Variants in ITPK1 observed in about 807,000 individuals in gnomAD.
ITPK1 encodes inositol-tetrakisphosphate 1-kinase.
ITPK1 carries 21 observed loss-of-function variants against 45.3 expected under a neutral mutation model. That is an observed-to-expected ratio of 0.46 (90% CI 0.33 to 0.67). ITPK1 has a LOEUF of 0.67. ITPK1 is among the 30% of genes least tolerant of loss of function. ITPK1 has a pLI of 0.02. For synonymous variants in ITPK1, 258 were observed against 253.6 expected, an observed-to-expected ratio of 1.02 and a Z score of -0.16; for missense variants, 474 against 573.5, an observed-to-expected ratio of 0.83 and a Z score of 1.77.
chr14:93,000,197 C>T (rs752849850), intron 4 of ITPK1, among the ~76,000 whole-genome samples: 7 of 152,160 alleles, frequency 4.6e-5, no homozygotes, highest in African/African-American at 2.4e-5. Flanking sequence ...GGAGCAATGC[C>T]GCTGTGAACA....
chr14:93,002,972 A>G (rs1595127276), intron 4 of ITPK1, among the ~76,000 whole-genome samples: 1 of 152,290 alleles, frequency 6.6e-6, no homozygotes, highest in Admixed American at 6.5e-5. Context: ...AAATGAAGAC[A>G]CACACCCCTT....
At position 93,076,522 on chromosome 14, in the gene ITPK1, G is replaced by C. The variant is rs536462049; in HGVS notation, c.120+73C>G. ...AAGCCGTGCCCAATGCTGGAGGAGAGAAGGAGAGACAGAGAGGTGGGCACC... is the reference window on the plus strand; with the variant it reads ...AAGCCGTGCCCAATGCTGGAGGAGACAAGGAGAGACAGAGAGGTGGGCACC... On this transcript the variant is annotated intron_variant, in intron 3 of 10. Coordinates refer to ENST00000267615, the MANE Select transcript of ITPK1 (RefSeq NM_014216.6). This position sits in a 1 kb window ranked among gnomAD's most constrained non-coding sequence, Gnocchi z 4.3. The C allele has an allele frequency of 6.6e-7, 1 of 1,523,254 alleles. No homozygotes were observed. The highest frequency in any genetic ancestry group is 1.1e-5 in the South Asian group (1 of 89,142). The allele number at this position is 1,523,254 out of a possible 1,614,324, so 94.4% of individuals were successfully genotyped here.
At chr14:93,053,187 G>A (rs1173772312) in intron 3 of ITPK1, among the ~76,000 whole-genome samples, 1 of 151,950 alleles carries the variant, frequency 6.6e-6, no homozygotes, top group Non-Finnish European at 1.5e-5. Flanking sequence ...CTCAGACAGA[G>A]GGGCTCACAA....
At position 92,939,829 on chromosome 14, in the gene ITPK1, A is replaced by C. The variant is rs1887269967; in HGVS notation, c.*1732T>G. 1 of 985,728 alleles carries C rather than the reference A, an allele frequency of 1.0e-6. No homozygotes were observed. Among genetic ancestry groups the C allele is most frequent in the Admixed American group, 6.1e-5 (1 of 16,270 alleles). 61.1% of individuals were successfully genotyped at this position (985,728 alleles called of 1,614,324 possible). ...TTAAGGACTGGGAGTATGACATAAC[A>C]AACTTGAGCAACATGTGTAAACACG... On this transcript the variant is annotated 3_prime_UTR_variant, in exon 11 of 11. Coordinates refer to ENST00000267615, the MANE Select transcript of ITPK1 (RefSeq NM_014216.6).
At chr14:93,052,963 C>T (rs1384843842) in intron 3 of ITPK1, among the ~76,000 whole-genome samples, 1 of 142,028 alleles carries the variant, frequency 7.0e-6, no homozygotes, top group Non-Finnish European at 1.5e-5. Context: ...CACACCAGGA[C>T]CTATTGTGGG....
intron 4 of ITPK1, among the ~76,000 whole-genome samples, chr14:92,994,344 A>T (rs1351976515): frequency 1.3e-5 from 2 of 152,136 alleles, no homozygotes; most frequent in East Asian, 3.9e-4. Flanking sequence ...CCGCACTGAT[A>T]AGGACTCTGA....
In ITPK1 at chr14:93,076,520, GAGA is replaced by G; in HGVS notation, c.120+72_120+74del. The G allele has an allele frequency of 1.3e-6, 2 of 1,510,352 alleles. No homozygotes were observed. The highest frequency in any genetic ancestry group is 1.8e-6 in the Non-Finnish European group (2 of 1,087,358). The allele number at this position is 1,510,352 out of a possible 1,614,324, so 93.6% of individuals were successfully genotyped here. Reference sequence around the variant, plus strand: ...GAAAGCCGTGCCCAATGCTGGAGGAGAGAAGGAGAGACAGAGAGGTGGGCACCA... The same window carrying G: ...GAAAGCCGTGCCCAATGCTGGAGGAGAGGAGAGACAGAGAGGTGGGCACCA... On this transcript the variant is annotated intron_variant, in intron 3 of 10. Coordinates refer to ENST00000267615, the MANE Select transcript of ITPK1 (RefSeq NM_014216.6). This position sits in a 1 kb window ranked among gnomAD's most constrained non-coding sequence, Gnocchi z 4.3.
chr14:92,997,740 G>A (rs533793185), intron 4 of ITPK1, among the ~76,000 whole-genome samples: 1 of 152,348 alleles, frequency 6.6e-6, no homozygotes, highest in African/African-American at 2.4e-5. Context: ...GACACCAAGA[G>A]TGGGATCCTG....
chr14:92,942,697 C>G (rs548548765), intron 10 of ITPK1, among the ~76,000 whole-genome samples: 218 of 151,604 alleles, frequency 1.4e-3, no homozygotes, highest in African/African-American at 5.1e-3. Context: ...TGGTACCTGC[C>G]TGGGGCAAGT....
chr14:93,109,127 A>G (rs1463777872), intron 2 of ITPK1, among the ~76,000 whole-genome samples: 6 of 152,212 alleles, frequency 3.9e-5, no homozygotes, highest in Non-Finnish European at 8.8e-5. Flanking sequence ...TGCTGCCCAT[A>G]CCAGCAGAAA....
chr14:92,999,671 C>G (rs1320158451), intron 4 of ITPK1, among the ~76,000 whole-genome samples: 1 of 152,238 alleles, frequency 6.6e-6, no homozygotes, highest in Non-Finnish European at 1.5e-5. Flanking sequence ...CCGCCAGGCC[C>G]AGTTAACTGG....
rs2139856225 is a variant in ITPK1, at chr14:93,016,716, T to C, written c.206A>G (p.Gln69Arg). ...CAGCTCCAGGGACTGGCTATCATTC[T>C]GGTCGGCTTCAAGGATGACGTCAGT... ...KLTDVILEAD[Q>R]NDSQSLELVH... is the part of the protein sequence containing the mutation. Residue 69 changes from glutamine (Q) to arginine (R), a missense_variant, in exon 4 of 11, where the codon CAG becomes CGG. Gln to Arg is a conservative substitution (Grantham distance 43). Transcript: ENST00000267615. This position sits in a 1 kb window ranked among gnomAD's most constrained non-coding sequence, Gnocchi z 5.0. The C allele has an allele frequency of 6.2e-7, 1 of 1,614,164 alleles. No homozygotes were observed. The highest frequency in any genetic ancestry group is 8.5e-7 in the Non-Finnish European group (1 of 1,180,012).
At chr14:93,044,185 G>C (rs1328935990) in intron 3 of ITPK1, among the ~76,000 whole-genome samples, 2 of 152,224 alleles carry the variant, frequency 1.3e-5, no homozygotes, top group African/African-American at 4.8e-5. Flanking sequence ...CCATGAGGCT[G>C]GTGGTGTGGG....
chr14:93,055,560 C>T (rs746047969), intron 3 of ITPK1, among the ~76,000 whole-genome samples: 4 of 152,158 alleles, frequency 2.6e-5, no homozygotes, highest in East Asian at 3.9e-4. Context: ...TCCCGAGCCT[C>T]GGTGCTGCCT....
chr14:93,013,544 C>T (rs1888023874), intron 4 of ITPK1, among the ~76,000 whole-genome samples: 1 of 152,128 alleles, frequency 6.6e-6, no homozygotes, highest in Admixed American at 6.5e-5. Context: ...TCTCCACCCA[C>T]ACAGCCCCAA....
chr14:92,991,610 T>C (rs985680117), intron 5 of ITPK1, among the ~76,000 whole-genome samples: 1 of 152,084 alleles, frequency 6.6e-6, no homozygotes, highest in Non-Finnish European at 1.5e-5. Flanking sequence ...GATTCCTAAC[T>C]GCCTCCAGGA....
chr14:93,063,796 G>A lies in ITPK1; in HGVS notation c.120+12799C>T, dbSNP rs1890631390. ...GTGTGAGCCTCAGTCCTCTCACCTG[G>A]CAAGTGGGGCACTAACCCTGGCACT... On this transcript the variant is annotated intron_variant, in intron 3 of 10. Coordinates refer to ENST00000267615, the MANE Select transcript of ITPK1 (RefSeq NM_014216.6). This position sits in a 1 kb window ranked among gnomAD's most constrained non-coding sequence, Gnocchi z 4.3. 6.6e-6 allele frequency among the ~76,000 whole-genome samples: 1 copy of A among 152,178 alleles called. No individual in the cohort carries two copies. Among genetic ancestry groups the A allele is most frequent in the African/African-American group, 2.4e-5 (1 of 41,448 alleles).
chr14:93,106,288 G>A (rs543435013), intron 2 of ITPK1, among the ~76,000 whole-genome samples: 16 of 148,802 alleles, frequency 1.1e-4, no homozygotes, highest in African/African-American at 3.9e-4. Context: ...GGGCATAACT[G>A]CAGCCTCCCT....
At chr14:93,022,515 CTT>C (rs750617400) in intron 3 of ITPK1, among the ~76,000 whole-genome samples, 33 of 137,868 alleles carry the variant, frequency 2.4e-4, no homozygotes, top group Admixed American at 5.1e-4. Context: ...AAGACCACAT[CTT>C]TTTTTTTTTT....
Sources: gnomAD v4.1 joint callset for allele counts (sites outside exome capture counted in the v4.1 genomes callset) on GRCh38, gnomAD v4.1.1 for gene constraint, Gnocchi (gnomAD v3.1) non-coding constraint, MANE v1.5 for transcripts, NCBI Gene and HGNC (gene_info 2026-07-23, HGNC 2026-07-21) for gene names.